The following CCDC195 variants were observed in gnomAD, a reference collection of about 807,000 sequenced individuals.
CCDC195 encodes coiled-coil domain containing 195, also known as coiled-coil domain-containing protein 195.
intron 1 of CCDC195, among the ~76,000 whole-genome samples, chr2:224,711,514 C>A (rs747582597): frequency 6.6e-6 from 1 of 152,058 alleles, no homozygotes; most frequent in Non-Finnish European, 1.5e-5. Flanking sequence ...TGGTGATTAT[C>A]CAACATCTAC....
intron 2 of CCDC195, among the ~76,000 whole-genome samples, chr2:224,706,883 C>CTG (rs1465880102): frequency 2.7e-5 from 4 of 146,584 alleles, no homozygotes; most frequent in East Asian, 4.1e-4. Context: ...GTATGTGTGT[C>CTG]TGTGTGTATA....
At chr2:224,711,874 T>C (rs1489191844) in intron 1 of CCDC195, among the ~76,000 whole-genome samples, 1 of 152,206 alleles carries the variant, frequency 6.6e-6, no homozygotes, top group African/African-American at 2.4e-5. Context: ...TTTGAAGTGA[T>C]TAACTACAAA....
intron 2 of CCDC195, among the ~76,000 whole-genome samples, chr2:224,706,618 C>A (rs571282326): frequency 6.8e-6 from 1 of 147,994 alleles, no homozygotes; most frequent in Non-Finnish European, 1.5e-5. Context: ...TCAAGCGATT[C>A]TCCTGCCTCA....
chr2:224,708,986 G>A (rs1689270628), intron 2 of CCDC195, among the ~76,000 whole-genome samples: 1 of 151,988 alleles, frequency 6.6e-6, no homozygotes, highest in African/African-American at 2.4e-5. Flanking sequence ...CTTGATGTTA[G>A]AGGACTTGAC....
At chr2:224,712,952 T>C (rs144423070) in intron 1 of CCDC195, among the ~76,000 whole-genome samples, 2 of 151,958 alleles carry the variant, frequency 1.3e-5, no homozygotes, top group South Asian at 4.2e-4. Flanking sequence ...CACTGCAACT[T>C]CCGCCTCCCG....
intron 2 of CCDC195, among the ~76,000 whole-genome samples, chr2:224,706,330 A>G (rs1697240617): frequency 7.0e-6 from 1 of 143,576 alleles, no homozygotes; most frequent in African/African-American, 2.6e-5. Flanking sequence ...TCAGCCTCCC[A>G]AGTAGCTGGG....
intron 1 of CCDC195, among the ~76,000 whole-genome samples, chr2:224,714,584 C>A (rs538374125): frequency 1.3e-5 from 2 of 152,152 alleles, no homozygotes; most frequent in African/African-American, 4.8e-5. Context: ...AACACCCTAC[C>A]ATGCTCGAGA....
At chr2:224,705,490 A>G (rs1697230505) in intron 2 of CCDC195, among the ~76,000 whole-genome samples, 1 of 152,226 alleles carries the variant, frequency 6.6e-6, no homozygotes, top group Non-Finnish European at 1.5e-5. Context: ...TGGTATAATA[A>G]TGGAAAAGTT....
chr2:224,709,543 G>A (rs907425731), intron 2 of CCDC195, among the ~76,000 whole-genome samples: 1 of 152,222 alleles, frequency 6.6e-6, no homozygotes, highest in African/African-American at 2.4e-5. Context: ...CACCAGAACA[G>A]CTGTTCTCTG....
At chr2:224,716,026 G>A (rs150316958) in intron 1 of CCDC195, 105 bp downstream of exon 1, 275 of 397,080 alleles carry the variant, frequency 6.9e-4, no homozygotes, top group African/African-American at 4.9e-3. Flanking sequence ...ACCCACCACC[G>A]TTATTACCAA....
At chr2:224,712,949 A>G (rs1689332322) in intron 1 of CCDC195, among the ~76,000 whole-genome samples, 1 of 151,808 alleles carries the variant, frequency 6.6e-6, no homozygotes, top group African/African-American at 2.4e-5. Flanking sequence ...GCTCACTGCA[A>G]CTTCCGCCTC....
chr2:224,713,790 A>G (rs1261811171), intron 1 of CCDC195, among the ~76,000 whole-genome samples: 2 of 138,928 alleles, frequency 1.4e-5, no homozygotes, highest in Non-Finnish European at 3.0e-5. Context: ...TTTATCAAAT[A>G]TTTTTCACCA....
At chr2:224,704,536 T>G (rs1697214622) in intron 2 of CCDC195, among the ~76,000 whole-genome samples, 1 of 151,586 alleles carries the variant, frequency 6.6e-6, no homozygotes, top group African/African-American at 2.4e-5. Context: ...GATAAGGCTG[T>G]AATTTCACTG....
At chr2:224,711,209 G>A (rs1689314812) in intron 1 of CCDC195, among the ~76,000 whole-genome samples, 1 of 152,130 alleles carries the variant, frequency 6.6e-6, no homozygotes, top group South Asian at 2.1e-4. Context: ...GAGACACATG[G>A]CAAAGAGCAA....
At chr2:224,706,303 T>C (rs1328611701) in intron 2 of CCDC195, among the ~76,000 whole-genome samples, 1 of 138,992 alleles carries the variant, frequency 7.2e-6, no homozygotes, top group Non-Finnish European at 1.5e-5. Flanking sequence ...CCTCCCAGGT[T>C]CAAGCAATTC....
intron 1 of CCDC195, among the ~76,000 whole-genome samples, chr2:224,713,803 ATTT>A (rs59559911): frequency 7.3e-6 from 1 of 136,546 alleles, no homozygotes; most frequent in Non-Finnish European, 1.5e-5. Flanking sequence ...TTTCACCAGT[ATTT>A]TTTTTTTTTT....
At chr2:224,716,207 T>C (rs1009216536) in exon 1 of CCDC195, 1 of 398,724 alleles carries the variant, frequency 2.5e-6, no homozygotes, top group African/African-American at 2.1e-5. Context: ...GTCCTGGCGC[T>C]TCCTCCTCCC....
At chr2:224,714,815 A>T (rs1368593066) in intron 1 of CCDC195, among the ~76,000 whole-genome samples, 2 of 152,194 alleles carry the variant, frequency 1.3e-5, no homozygotes, top group African/African-American at 2.4e-5. Context: ...CTGGATTGGA[A>T]TCTGTTTTCA....
At chr2:224,707,226 T>C (rs115641981) in intron 2 of CCDC195, among the ~76,000 whole-genome samples, 1 of 151,674 alleles carries the variant, frequency 6.6e-6, no homozygotes, top group Admixed American at 6.6e-5. Flanking sequence ...ACCCAAGAAC[T>C]TTTTACAAAA....
Sources: allele counts gnomAD v4.1 joint callset (sites outside exome capture counted in the v4.1 genomes callset), GRCh38; gene constraint gnomAD v4.1.1; transcripts MANE v1.5; gene names NCBI Gene and HGNC (gene_info 2026-07-23, HGNC 2026-07-21).